Variants in SPHKAP observed in about 807,000 individuals in gnomAD.
The protein encoded by SPHKAP is A-kinase anchor protein SPHKAP.
SPHKAP carries 67 observed loss-of-function variants against 137.5 expected under a neutral mutation model. The observed-to-expected ratio is 0.49, with a 90% confidence interval of 0.40 to 0.60. The LOEUF is 0.60. Among genes scored for constraint, SPHKAP ranks in the 20% least tolerant of loss-of-function variants. SPHKAP has a pLI of 0.00. For synonymous variants in SPHKAP, 813 were observed against 785.3 expected (o/e 1.04, Z -0.59); for missense variants, 2,097 against 2,069.3 (o/e 1.01, Z -0.26).
intron 7 of SPHKAP, among the ~76,000 whole-genome samples, chr2:228,015,674 C>G (rs546375622): frequency 6.6e-6 from 1 of 152,212 alleles, no homozygotes; most frequent in African/African-American, 2.4e-5. Flanking sequence ...CTGGAAAAAG[C>G]TGTTTAAATA....
intron 2 of SPHKAP, among the ~76,000 whole-genome samples, chr2:228,115,592 G>T (rs1165540865): frequency 1.3e-5 from 2 of 152,048 alleles, no homozygotes; most frequent in African/African-American, 2.4e-5. Flanking sequence ...ATTTTTTAGT[G>T]CATACCATGG....
chr2:228,016,690 G>T lies in SPHKAP; in HGVS notation c.4164C>A (p.Ser1388Arg). ...TGTGGTTTGTAAGAGAAGCAGTTTT[G>T]CTCAAAGATGACACTGGGGGCTGTT... ...ECKQPPVSSL[S>R]KTASLTNHSP... Residue 1388 changes from serine (S) to arginine (R), a missense_variant, in exon 7 of 12, where the codon AGC becomes AGA. Ser to Arg is a moderately radical substitution (Grantham distance 110, BLOSUM62 -1). Transcript: ENST00000392056. 6.2e-7 allele frequency: 1 copy of T among 1,614,110 alleles called. No homozygotes were observed. The highest frequency in any genetic ancestry group is 8.5e-7 in the Non-Finnish European group (1 of 1,180,028).
intron 3 of SPHKAP, among the ~76,000 whole-genome samples, chr2:228,063,162 A>ATCTG (rs1346898468): frequency 1.9e-4 from 27 of 144,108 alleles, no homozygotes; most frequent in East Asian, 1.6e-3. Context: ...CTATCTATCT[A>ATCTG]TCTATCTATC....
chr2:227,995,763 C>A lies in SPHKAP; in HGVS notation c.4449-69G>T. 2.8e-6 allele frequency: 4 copies of A among 1,441,126 alleles called. No homozygotes were observed. The South Asian group carries it at 4.3e-5, about 16-fold the overall frequency. The allele number at this position is 1,441,126 out of a possible 1,614,324, so 89.3% of individuals were successfully genotyped here. The stretch of plus-strand genomic sequence containing the variant: ...ACACACACACAGAAACTTCACAGAG[C>A]CACTTTGTAGAGTCCCAATAAACAG... On this transcript the variant is annotated intron_variant, in intron 7 of 11. Transcript: ENST00000392056.
At chr2:228,044,745 A>G (rs1486838693) in intron 3 of SPHKAP, among the ~76,000 whole-genome samples, 1 of 152,228 alleles carries the variant, frequency 6.6e-6, no homozygotes, top group African/African-American at 2.4e-5. Flanking sequence ...CTAGTTTTTC[A>G]TATTTGTTTC....
chr2:228,097,278 TA>T (rs1438540409), intron 3 of SPHKAP, among the ~76,000 whole-genome samples: 2 of 152,158 alleles, frequency 1.3e-5, no homozygotes, highest in Non-Finnish European at 2.9e-5. Context: ...CAAAATGAAT[TA>T]AAAAATAGTT....
chr2:228,156,664 G>A (rs1325053770), intron 1 of SPHKAP, among the ~76,000 whole-genome samples: 1 of 152,172 alleles, frequency 6.6e-6, no homozygotes, highest in African/African-American at 2.4e-5. Flanking sequence ...ATCCTGAATT[G>A]TAGCTCCTAT....
chr2:228,125,837 G>A (rs541936224), intron 2 of SPHKAP, among the ~76,000 whole-genome samples: 335 of 152,234 alleles, frequency 2.2e-3, no homozygotes, highest in Admixed American at 3.7e-3. Context: ...AGCACTTTGG[G>A]AGGCCGAGGC....
At chr2:228,133,994 C>T (rs1699349535) in intron 1 of SPHKAP, among the ~76,000 whole-genome samples, 1 of 151,054 alleles carries the variant, frequency 6.6e-6, no homozygotes, top group African/African-American at 2.4e-5. Context: ...GAAAGGATAA[C>T]ACCCATATTA....
chr2:228,059,438 A>C (rs1696561594), intron 3 of SPHKAP, among the ~76,000 whole-genome samples: 3 of 152,222 alleles, frequency 2.0e-5, no homozygotes, highest in African/African-American at 4.8e-5. Flanking sequence ...AATTTCTACA[A>C]GTAGTGAAGC....
chr2:228,047,755 C>T (rs1289873750), intron 3 of SPHKAP, among the ~76,000 whole-genome samples: 1 of 151,852 alleles, frequency 6.6e-6, no homozygotes, highest in East Asian at 1.9e-4. Context: ...ACTAGTCTAA[C>T]TGTTTGATGA....
chr2:228,070,507 C>T (rs1251769292), intron 3 of SPHKAP, among the ~76,000 whole-genome samples: 3 of 152,022 alleles, frequency 2.0e-5, no homozygotes, highest in East Asian at 3.9e-4. Context: ...GTCTTAGTCT[C>T]GGTGCCTCTA....
chr2:228,180,901 C>T (rs1382350664), intron 1 of SPHKAP, among the ~76,000 whole-genome samples: 3 of 152,178 alleles, frequency 2.0e-5, no homozygotes, highest in Non-Finnish European at 4.4e-5. Flanking sequence ...CCCGGCAGCG[C>T]CTGGGGTGGC....
chr2:228,158,846 A>T (rs1441596702), intron 1 of SPHKAP, among the ~76,000 whole-genome samples: 3 of 152,192 alleles, frequency 2.0e-5, no homozygotes, highest in Non-Finnish European at 4.4e-5. Context: ...AGCCCAAATT[A>T]TCTAAACTAA....
chr2:228,062,148 C>A (rs977240836), intron 3 of SPHKAP, among the ~76,000 whole-genome samples: 4 of 151,794 alleles, frequency 2.6e-5, no homozygotes, highest in African/African-American at 7.3e-5. Flanking sequence ...GTCAACCACT[C>A]CCCTGACCTT....
At chr2:228,137,958 T>C (rs1699486680) in intron 1 of SPHKAP, among the ~76,000 whole-genome samples, 1 of 152,230 alleles carries the variant, frequency 6.6e-6, no homozygotes, top group African/African-American at 2.4e-5. Context: ...TGTTAGTGTC[T>C]CCTATCTTCC....
At chr2:228,175,801 T>C (rs1700722250) in intron 1 of SPHKAP, among the ~76,000 whole-genome samples, 1 of 151,978 alleles carries the variant, frequency 6.6e-6, no homozygotes, top group Non-Finnish European at 1.5e-5. Context: ...TTTGAAGAGA[T>C]AGATAGATTT....
At chr2:228,071,789 C>CA (rs146776811) in intron 3 of SPHKAP, among the ~76,000 whole-genome samples, 1 of 148,778 alleles carries the variant, frequency 6.7e-6, no homozygotes, top group East Asian at 2.0e-4. Flanking sequence ...GCAATTCAAC[C>CA]TTTTTTTTTT....
At chr2:228,145,053 T>C (rs1699734839) in intron 1 of SPHKAP, among the ~76,000 whole-genome samples, 1 of 152,220 alleles carries the variant, frequency 6.6e-6, no homozygotes, top group African/African-American at 2.4e-5. Context: ...TAGTTGTATA[T>C]GCAGATAGGT....
Sources: gnomAD v4.1 joint callset for allele counts (sites outside exome capture counted in the v4.1 genomes callset) on GRCh38, gnomAD v4.1.1 for gene constraint, MANE v1.5 for transcripts, NCBI Gene and HGNC (gene_info 2026-07-23, HGNC 2026-07-21) for gene names.